Variants in SAMMSON observed in about 807,000 individuals in gnomAD.
SAMMSON encodes survival associated mitochondrial melanoma specific oncogenic non-coding RNA.
At chr3:70,093,407 C>A (rs959162078) in intron 4 of SAMMSON, among the ~76,000 whole-genome samples, 4 of 152,172 alleles carry the variant, frequency 2.6e-5, no homozygotes, top group Non-Finnish European at 4.4e-5. Context: ...GAGGATGATA[C>A]TATCTTAGAT....
At chr3:70,153,103 T>A (rs1189444041) in intron 4 of SAMMSON, among the ~76,000 whole-genome samples, 1 of 151,950 alleles carries the variant, frequency 6.6e-6, no homozygotes, top group Admixed American at 6.6e-5. Flanking sequence ...TATACACATA[T>A]ATATTTTTTC....
chr3:70,409,006 G>T (rs1040747228), intron 2 of SAMMSON, among the ~76,000 whole-genome samples: 6 of 152,076 alleles, frequency 3.9e-5, no homozygotes, highest in Non-Finnish European at 7.4e-5. Context: ...GGAAACCCCT[G>T]ACAAAACCAT....
chr3:70,377,477 A>T (rs28562083), intron 9 of SAMMSON, among the ~76,000 whole-genome samples: 2 of 152,130 alleles, frequency 1.3e-5, no homozygotes, highest in Admixed American at 6.5e-5. Context: ...ACTCCACAAG[A>T]TAAATAGAAA....
chr3:70,255,321 A>C (rs774363666), intron 6 of SAMMSON, among the ~76,000 whole-genome samples: 2 of 152,244 alleles, frequency 1.3e-5, no homozygotes, highest in Non-Finnish European at 2.9e-5. Flanking sequence ...TATAGTCAGT[A>C]AAAGTGCAGA....
chr3:70,265,395 G>A (rs1386973504), intron 6 of SAMMSON, among the ~76,000 whole-genome samples: 11 of 152,172 alleles, frequency 7.2e-5, no homozygotes, highest in Non-Finnish European at 4.4e-5. Flanking sequence ...GGTAAAGGAA[G>A]ATGGAGATTG....
At chr3:70,246,099 A>G (rs1701705920) in intron 4 of SAMMSON, among the ~76,000 whole-genome samples, 1 of 150,888 alleles carries the variant, frequency 6.6e-6, no homozygotes, top group Admixed American at 6.6e-5. Flanking sequence ...TACACACCAT[A>G]AAAAAAAACC....
intron 6 of SAMMSON, among the ~76,000 whole-genome samples, chr3:70,261,448 A>G (rs1251541361): frequency 6.6e-6 from 1 of 152,156 alleles, no homozygotes; most frequent in Non-Finnish European, 1.5e-5. Context: ...TTCAGATGCA[A>G]CTTCCCTCCA....
intron 4 of SAMMSON, among the ~76,000 whole-genome samples, chr3:70,117,929 A>T (rs1033881111): frequency 6.6e-6 from 1 of 151,808 alleles, no homozygotes; most frequent in Non-Finnish European, 1.5e-5. Context: ...TTATTTATTT[A>T]TTTTTTGAGA....
At chr3:70,313,695 T>C (rs574598388) in intron 7 of SAMMSON, among the ~76,000 whole-genome samples, 1 of 152,092 alleles carries the variant, frequency 6.6e-6, no homozygotes, top group Non-Finnish European at 1.5e-5. Flanking sequence ...ATTATCAGAT[T>C]CCTTTATCCA....
intron 7 of SAMMSON, among the ~76,000 whole-genome samples, chr3:70,297,668 G>A (rs114612782): frequency 1.6e-3 from 236 of 152,104 alleles, no homozygotes; most frequent in African/African-American, 5.4e-3. Context: ...TATGTAAAAC[G>A]AGGAGTTAAA....
At chr3:70,313,952 A>T (rs1184891229) in intron 7 of SAMMSON, among the ~76,000 whole-genome samples, 1 of 151,994 alleles carries the variant, frequency 6.6e-6, no homozygotes, top group African/African-American at 2.4e-5. Context: ...TTTTACTCCA[A>T]CCTAATTGCA....
chr3:70,365,955 T>C (rs982963113), intron 9 of SAMMSON, among the ~76,000 whole-genome samples: 3 of 149,066 alleles, frequency 2.0e-5, no homozygotes, highest in African/African-American at 7.4e-5. Flanking sequence ...AAAAATTGTT[T>C]GTGCTTTACC....
chr3:70,337,142 T>TAA (rs1559566801), intron 7 of SAMMSON, among the ~76,000 whole-genome samples: 2 of 61,442 alleles, frequency 3.3e-5, no homozygotes, highest in African/African-American at 5.8e-5. Flanking sequence ...TAACTTAATA[T>TAA]TATTATTAAT....
chr3:70,011,180 T>C (rs2066954037), intron 1 of SAMMSON, among the ~76,000 whole-genome samples: 1 of 152,176 alleles, frequency 6.6e-6, no homozygotes, highest in Non-Finnish European at 1.5e-5. Context: ...CATGCTATCA[T>C]CTGTTTTTTG....
chr3:70,018,710 T>C (rs1214604532), intron 3 of SAMMSON, among the ~76,000 whole-genome samples: 1 of 152,248 alleles, frequency 6.6e-6, no homozygotes, highest in African/African-American at 2.4e-5. Flanking sequence ...CTTTCTCTTG[T>C]GGGCATTTAG....
intron 3 of SAMMSON, among the ~76,000 whole-genome samples, chr3:70,033,261 A>G (rs61645126): frequency 0.42 from 64,492 of 151,924 alleles, 14,159 homozygotes; most frequent in East Asian, 0.63. Flanking sequence ...CCTACTTCCT[A>G]TAATCATTTC....
At chr3:70,424,703 T>G (rs1575646653) in intron 2 of SAMMSON, 1 of 152,378 alleles carries the variant, frequency 6.6e-6, no homozygotes, top group African/African-American at 2.4e-5. Flanking sequence ...GGTTCACCTT[T>G]AATCACTGCA....
intron 4 of SAMMSON, among the ~76,000 whole-genome samples, chr3:70,150,140 C>T (rs577660790): frequency 1.3e-5 from 2 of 151,868 alleles, no homozygotes; most frequent in Non-Finnish European, 2.9e-5. Context: ...AGAGGTTTTT[C>T]GAACCAAAAG....
At position 70,142,827 on chromosome 3, in the gene SAMMSON, C is replaced by T. The variant is rs147670157; in HGVS notation, n.507+71262C>T. Among the ~76,000 whole-genome samples, 508 of 152,280 alleles carry T rather than the reference C, an allele frequency of 3.3e-3. 1 individual carries two copies. Among genetic ancestry groups the T allele is most frequent in the African/African-American group, 0.011 (473 of 41,566 alleles). On this transcript the variant is annotated intron_variant and non_coding_transcript_variant, in intron 4 of 9. Transcript: ENST00000642114. Reference sequence around the variant, plus strand: ...GGATAAGACCAGTGAGCTCCTGCCCCAGCCAAATCCTGAGGGATATAAAAG... The same window carrying T: ...GGATAAGACCAGTGAGCTCCTGCCCTAGCCAAATCCTGAGGGATATAAAAG...
Sources: gnomAD v4.1 joint callset for allele counts (sites outside exome capture counted in the v4.1 genomes callset) on GRCh38, gnomAD v4.1.1 for gene constraint, MANE v1.5 for transcripts, NCBI Gene and HGNC (gene_info 2026-07-23, HGNC 2026-07-21) for gene names.